Variants in TFCP2L1 observed in about 807,000 individuals in gnomAD.
The protein encoded by TFCP2L1 is transcription factor CP2-like protein 1.
Under a neutral mutation model 72.2 loss-of-function variants are expected in TFCP2L1, and 12 were observed. The ratio of observed to expected loss-of-function variants is 0.17; its 90% CI spans 0.11 to 0.27. The LOEUF (loss-of-function observed/expected upper bound fraction) is 0.27, where lower values mean the gene tolerates loss of function less well. Ranked by LOEUF, TFCP2L1 falls within the 10% of genes least tolerant of loss-of-function variation. The probability of loss-of-function intolerance (pLI) is 1.00; values close to 1 mark genes in which losing one functional copy is unlikely to be tolerated. For synonymous variants in TFCP2L1, 260 were observed against 251.0 expected, an observed-to-expected ratio of 1.04 and a Z score of -0.34; for missense variants, 488 against 624.6, an observed-to-expected ratio of 0.78 and a Z score of 2.33.
At position 121,237,478 on chromosome 2, in the gene TFCP2L1, C is replaced by A. The variant is rs954017294; in HGVS notation, c.1003+145G>T. On this transcript the variant is annotated intron_variant, in intron 10 of 14. Coordinates refer to ENST00000263707, the MANE Select transcript of TFCP2L1 (RefSeq NM_014553.3). ...CAGCACTTGGCCCAGGGTTGGGGCA[C>A]GTGAGCGAGCGAACCCACACTATCT... 6.8e-6 allele frequency: 6 copies of A among 886,730 alleles called. No individual in the cohort carries two copies. The African/African-American group carries it at 8.3e-5, about 12-fold the overall frequency. The allele number at this position is 886,730 out of a possible 1,614,324, so 54.9% of individuals were successfully genotyped here.
rs1157237113 is a variant in TFCP2L1, at chr2:121,234,079, C to G, written c.1198+12G>C. The G allele has an allele frequency of 1.9e-6, 3 of 1,612,056 alleles. No individual in the cohort carries two copies. Among genetic ancestry groups the G allele is most frequent in the Non-Finnish European group, 2.5e-6 (3 of 1,179,532 alleles). On this transcript the variant is annotated intron_variant, in intron 12 of 14. Coordinates refer to ENST00000263707, the MANE Select transcript of TFCP2L1 (RefSeq NM_014553.3). ...CAATGTGTGGGTCCCAGCTCTGCTCCCCACAACTCACCAGACAGGTTGCTG... is the reference window on the plus strand; with the variant it reads ...CAATGTGTGGGTCCCAGCTCTGCTCGCCACAACTCACCAGACAGGTTGCTG...
At chr2:121,244,939 G>A (rs554525935) in intron 6 of TFCP2L1, among the ~76,000 whole-genome samples, 3 of 152,174 alleles carry the variant, frequency 2.0e-5, no homozygotes, top group African/African-American at 4.8e-5. Flanking sequence ...CCACAGGGCC[G>A]CCACGCCCAC....
intron 8 of TFCP2L1, 132 bp from the exon 9 acceptor site, chr2:121,237,982 G>C (rs1170075205): frequency 1.1e-6 from 1 of 932,596 alleles, no homozygotes; most frequent in Non-Finnish European, 1.6e-6. Flanking sequence ...GAGTCCTCAA[G>C]AATTTCCTGA....
At chr2:121,253,885 C>T (rs765104264) in intron 2 of TFCP2L1, among the ~76,000 whole-genome samples, 80 of 152,186 alleles carry the variant, frequency 5.3e-4, no homozygotes, top group Non-Finnish European at 7.5e-4. Flanking sequence ...GCATGCCTAC[C>T]CCCGTGCCAA....
intron 10 of TFCP2L1, among the ~76,000 whole-genome samples, chr2:121,237,151 T>C (rs561009902): frequency 2.3e-3 from 228 of 99,922 alleles, no homozygotes; most frequent in Non-Finnish European, 4.1e-3. Flanking sequence ...GGGACTTCTG[T>C]CTGAGGGCCC....
In TFCP2L1 at chr2:121,262,485, A is replaced by C. The variant is rs1481004228; in HGVS notation, c.215-12838T>G. ...TCTCAAAAAAATAAAACAAAATAAA[A>C]TAATAATAAAGCTCTTTAAGTCTGA... On this transcript the variant is annotated intron_variant, in intron 2 of 14. Transcript: ENST00000263707. Among the ~76,000 whole-genome samples the C allele has an allele frequency of 9.2e-5, 14 of 152,248 alleles. 1 individual carries two copies. Among genetic ancestry groups the C allele is most frequent in the East Asian group, 5.8e-4 (3 of 5,170 alleles).
At chr2:121,239,247 C>A (rs957432237) in intron 8 of TFCP2L1, among the ~76,000 whole-genome samples, 4 of 152,230 alleles carry the variant, frequency 2.6e-5, no homozygotes, top group African/African-American at 9.6e-5. Context: ...CCCTAAGGCA[C>A]CACTGTCAGG....
At chr2:121,248,105 C>T in intron 5 of TFCP2L1, 59 bp downstream of exon 5, 1 of 1,491,624 alleles carries the variant, frequency 6.7e-7, no homozygotes, top group Non-Finnish European at 9.2e-7. Context: ...TGAGAAACTG[C>T]ACGCAGGCCA....
Position 121,219,186 on chromosome 2 carries a change from C to A in TFCP2L1, c.*5155G>T. On this transcript the variant is annotated 3_prime_UTR_variant, in exon 15 of 15. Coordinates refer to ENST00000263707, the MANE Select transcript of TFCP2L1 (RefSeq NM_014553.3). ...CTAGAAAAGCTAAGGCCACCAGCTT[C>A]ATCCACTCTCCAGGAGGTCACACAA... 6.6e-6 allele frequency: 1 copy of A among 152,430 alleles called. No individual in the cohort carries two copies. The highest frequency in any genetic ancestry group is 1.5e-5 in the Non-Finnish European group (1 of 68,112). 9.4% of individuals were successfully genotyped at this position (152,430 alleles called of 1,614,324 possible). A position where few individuals can be genotyped will look rare whatever the true frequency, so the allele number is the denominator to read the frequency against.
At position 121,253,017 on chromosome 2, in the gene TFCP2L1, T is replaced by G. The variant is rs1306202691; in HGVS notation, c.215-3370A>C. Among the ~76,000 whole-genome samples, 8 of 152,206 alleles carry G rather than the reference T, an allele frequency of 5.3e-5. No homozygotes were observed. The East Asian group carries it at 1.5e-3, about 29-fold the overall frequency. ...TCTATAAAAATAACAATAAAAAGTT[T>G]GCTGAGCAACAATTTGATGCCAAAT... is the stretch of plus-strand genomic sequence containing the variant. On this transcript the variant is annotated intron_variant, in intron 2 of 14. Transcript: ENST00000263707.
chr2:121,226,793 T>C (rs1042460231), intron 13 of TFCP2L1, among the ~76,000 whole-genome samples: 1 of 152,206 alleles, frequency 6.6e-6, no homozygotes, highest in African/African-American at 2.4e-5. Context: ...TGTCCACTAC[T>C]GATGGGGATG....
chr2:121,282,670 G>A (rs1022365836), intron 1 of TFCP2L1, among the ~76,000 whole-genome samples: 1 of 152,174 alleles, frequency 6.6e-6, no homozygotes, highest in African/African-American at 2.4e-5. Context: ...ACATAAACAA[G>A]TGCCAAATAA....
At chr2:121,230,925 A>G (rs1352194013) in intron 13 of TFCP2L1, among the ~76,000 whole-genome samples, 2 of 152,146 alleles carry the variant, frequency 1.3e-5, no homozygotes, top group African/African-American at 2.4e-5. Flanking sequence ...TTTTTAATAT[A>G]AAAATTTTAA....
chr2:121,225,795 G>A (rs1686018418), intron 13 of TFCP2L1, among the ~76,000 whole-genome samples, 182 bp from the exon 14 acceptor site: 1 of 150,408 alleles, frequency 6.6e-6, no homozygotes, highest in Admixed American at 6.6e-5. Context: ...ACGGGAACAC[G>A]GTAAACACCA....
At chr2:121,275,997 T>C (rs1009261127) in intron 2 of TFCP2L1, among the ~76,000 whole-genome samples, 1 of 152,244 alleles carries the variant, frequency 6.6e-6, no homozygotes, top group Non-Finnish European at 1.5e-5. Flanking sequence ...ATTAGTTCAA[T>C]GAGGAATTCG....
At chr2:121,256,493 G>A (rs551286899) in intron 2 of TFCP2L1, among the ~76,000 whole-genome samples, 1 of 152,156 alleles carries the variant, frequency 6.6e-6, no homozygotes, top group African/African-American at 2.4e-5. Flanking sequence ...TTCTAGGTGG[G>A]CAGGCCGGGC....
In TFCP2L1 at chr2:121,237,862, A is replaced by G. The variant is rs1460698234; in HGVS notation, c.861-12T>C. On this transcript the variant is annotated splice_polypyrimidine_tract_variant and intron_variant, in intron 8 of 14. Coordinates refer to ENST00000263707, the MANE Select transcript of TFCP2L1 (RefSeq NM_014553.3). Reference sequence around the variant, plus strand: ...TCGGAGAGGCGTTGCTGCAAGGAAAAGGAACCAGTGATGAGGACAGAGGGG... The same window carrying G: ...TCGGAGAGGCGTTGCTGCAAGGAAAGGGAACCAGTGATGAGGACAGAGGGG... 5 of 1,613,734 alleles carry G rather than the reference A, an allele frequency of 3.1e-6. No individual in the cohort carries two copies. Among genetic ancestry groups the G allele is most frequent in the Non-Finnish European group, 4.2e-6 (5 of 1,179,846 alleles).
intron 2 of TFCP2L1, among the ~76,000 whole-genome samples, chr2:121,262,296 C>G (rs1369478166): frequency 6.6e-6 from 1 of 152,078 alleles, no homozygotes; most frequent in African/African-American, 2.4e-5. Context: ...GAAACCCTGT[C>G]TCTACTAAAA....
chr2:121,240,462 G>A (rs1686346115), intron 7 of TFCP2L1: 1 of 985,406 alleles, frequency 1.0e-6, no homozygotes, highest in Non-Finnish European at 1.2e-6. Context: ...CCAAACTATA[G>A]TGTTGGTAAA....
Sources: gnomAD v4.1 joint callset for allele counts (sites outside exome capture counted in the v4.1 genomes callset) on GRCh38, gnomAD v4.1.1 for gene constraint, MANE v1.5 for transcripts, NCBI Gene and HGNC (gene_info 2026-07-23, HGNC 2026-07-21) for gene names.